Variants in STARD13 observed in about 807,000 individuals in gnomAD.
STARD13 encodes stAR-related lipid transfer protein 13.
Under a neutral mutation model 106.4 loss-of-function variants are expected in STARD13, and 62 were observed. The observed-to-expected ratio is 0.58, with a 90% CI of 0.48 to 0.72. The LOEUF is 0.72. STARD13 is among the 30% of genes least tolerant of loss of function. The probability of loss-of-function intolerance (pLI) is 0.00; values close to 1 mark genes in which losing one functional copy is unlikely to be tolerated. For synonymous variants in STARD13, 565 were observed against 553.0 expected (o/e 1.02, Z -0.31); for missense variants, 1,387 against 1,424.0 (o/e 0.97, Z 0.42).
chr13:33,133,602 A>G (rs1878630855), intron 4 of STARD13, among the ~76,000 whole-genome samples: 1 of 152,194 alleles, frequency 6.6e-6, no homozygotes, highest in Non-Finnish European at 1.5e-5. Flanking sequence ...CACACAACAA[A>G]AAATGTATTT....
the STARD13 span, among the ~76,000 whole-genome samples, chr13:33,403,404 T>C: frequency 1.3e-5 from 2 of 152,348 alleles, no homozygotes; most frequent in South Asian, 4.1e-4. Context: ...TAATTGTTTT[T>C]AGGTTAATTT....
the STARD13 span, among the ~76,000 whole-genome samples, chr13:33,584,118 C>T: frequency 1.3e-5 from 2 of 152,226 alleles, no homozygotes; most frequent in African/African-American, 4.8e-5. Flanking sequence ...CATATCTTTG[C>T]CAACACTTGT....
chr13:33,529,965 C>T, the STARD13 span, among the ~76,000 whole-genome samples: 22 of 151,960 alleles, frequency 1.4e-4, no homozygotes, highest in Admixed American at 3.3e-4. Flanking sequence ...TAATGGGAGC[C>T]CTGTGAAATT....
At chr13:33,656,561 A>T in the STARD13 span, among the ~76,000 whole-genome samples, 1 of 152,240 alleles carries the variant, frequency 6.6e-6, no homozygotes, top group African/African-American at 2.4e-5. Context: ...TCATGTAGAC[A>T]TTAATGGCAG....
chr13:33,645,450 T>C, the STARD13 span, among the ~76,000 whole-genome samples: 1 of 152,050 alleles, frequency 6.6e-6, no homozygotes, highest in Admixed American at 6.5e-5. Flanking sequence ...TGTGAGTAAA[T>C]AGTGTCTTCA....
intron 7 of STARD13, among the ~76,000 whole-genome samples, chr13:33,118,886 C>T (rs886517352): frequency 1.2e-4 from 18 of 152,186 alleles, no homozygotes; most frequent in Admixed American, 1.1e-3. Context: ...ATTCTTGGCA[C>T]TTACTTTTCT....
At chr13:33,619,979 C>T in the STARD13 span, among the ~76,000 whole-genome samples, 5 of 152,022 alleles carry the variant, frequency 3.3e-5, no homozygotes, top group East Asian at 7.8e-4. Context: ...ATCTCTTGAA[C>T]TAGGGAGCCG....
chr13:33,280,591 C>T (rs1042248193), intron 1 of STARD13: 1 of 152,148 alleles, frequency 6.6e-6, no homozygotes, highest in Non-Finnish European at 1.5e-5. Context: ...AAGGTGTTTA[C>T]AAGTTTCTGT....
the STARD13 span, among the ~76,000 whole-genome samples, chr13:33,372,320 A>G: frequency 6.6e-6 from 1 of 152,172 alleles, no homozygotes; most frequent in Non-Finnish European, 1.5e-5. Context: ...ATGTGCATGA[A>G]TGCACCATTA....
the STARD13 span, among the ~76,000 whole-genome samples, chr13:33,575,183 T>C: frequency 2.6e-5 from 4 of 152,108 alleles, no homozygotes; most frequent in Non-Finnish European, 4.4e-5. Flanking sequence ...CCCAAAATGC[T>C]GGGATTACAG....
the STARD13 span, among the ~76,000 whole-genome samples, chr13:33,410,491 C>T: frequency 1.3e-5 from 2 of 152,132 alleles, no homozygotes; most frequent in Admixed American, 6.5e-5. Flanking sequence ...AGCCATCAGG[C>T]TTTATCTCCT....
At chr13:33,266,609 G>A (rs748279559) in intron 1 of STARD13, among the ~76,000 whole-genome samples, 4 of 152,080 alleles carry the variant, frequency 2.6e-5, no homozygotes, top group Non-Finnish European at 5.9e-5. Context: ...CTGTTGCCCT[G>A]CTTAGGACAA....
At chr13:33,626,035 T>C in the STARD13 span, among the ~76,000 whole-genome samples, 1 of 152,220 alleles carries the variant, frequency 6.6e-6, no homozygotes, top group Non-Finnish European at 1.5e-5. Context: ...CTGTTCTGAC[T>C]TGGCCTTTTA....
intron 1 of STARD13, among the ~76,000 whole-genome samples, chr13:33,236,728 T>A (rs1359588875): frequency 2.0e-5 from 3 of 152,234 alleles, no homozygotes; most frequent in Non-Finnish European, 4.4e-5. Context: ...ACAGCAGGAA[T>A]CAACTGGTCT....
At chr13:33,587,455 C>A in the STARD13 span, among the ~76,000 whole-genome samples, 1 of 152,126 alleles carries the variant, frequency 6.6e-6, no homozygotes, top group Admixed American at 6.5e-5. Context: ...TAAGTTTCAT[C>A]AAATTCCTTA....
chr13:33,284,126 A>G lies in STARD13; in HGVS notation c.169+1344T>C, dbSNP rs189213196. Among the ~76,000 whole-genome samples the G allele has an allele frequency of 2.0e-5, 3 of 152,308 alleles. No individual in the cohort carries two copies. The East Asian group carries it at 5.8e-4, about 29-fold the overall frequency. On this transcript the variant is annotated intron_variant, in intron 1 of 13. Transcript: ENST00000336934. ...GTATTTTTAAATCTAGCCACAGGGA[A>G]ATAATTACTTTTGTTTCTATTCAAT...
chr13:33,561,339 C>G, the STARD13 span, among the ~76,000 whole-genome samples: 494 of 151,466 alleles, frequency 3.3e-3, 25 homozygotes, highest in African/African-American at 0.012. Context: ...AAATTATTTG[C>G]TTGAATTTTT....
the STARD13 span, among the ~76,000 whole-genome samples, chr13:33,533,144 C>T: frequency 2.6e-5 from 4 of 152,166 alleles, no homozygotes; most frequent in Admixed American, 6.5e-5. Context: ...CCCAAGAATG[C>T]CAGTTCCAGA....
At chr13:33,473,998 G>A in the STARD13 span, among the ~76,000 whole-genome samples, 2 of 152,270 alleles carry the variant, frequency 1.3e-5, no homozygotes, top group East Asian at 1.9e-4. Context: ...CAGTTAGATT[G>A]CATTTTGGTG....
Sources: gnomAD v4.1 joint callset for allele counts (sites outside exome capture counted in the v4.1 genomes callset) on GRCh38, gnomAD v4.1.1 for gene constraint, MANE v1.5 for transcripts, NCBI Gene and HGNC (gene_info 2026-07-23, HGNC 2026-07-21) for gene names.